SAP30BP: variants seen among roughly 807,000 people sequenced by gnomAD.
SAP30BP encodes the protein SAP30 binding protein.
In SAP30BP, 31 loss-of-function variants were observed where a neutral mutation model predicts 46.3. The observed-to-expected ratio is 0.67, with a 90% CI of 0.50 to 0.90. The LOEUF (loss-of-function observed/expected upper bound fraction) is 0.90. SAP30BP is among the 40% of genes least tolerant of loss of function. The pLI is 0.00. For missense variants in SAP30BP, 312 were observed against 391.0 expected (o/e 0.80, Z 1.70); for synonymous variants, 169 against 144.2 (o/e 1.17, Z -1.23).
In SAP30BP at chr17:75,706,796, C is replaced by T. The variant is rs1478482362; in HGVS notation, c.*275C>T. 7 of 482,572 alleles carry T rather than the reference C, an allele frequency of 1.5e-5. No individual in the cohort carries two copies. The highest frequency in any genetic ancestry group is 3.7e-5 in the Admixed American group (1 of 27,190). The allele number at this position is 482,572 out of a possible 1,614,324, so 29.9% of individuals were successfully genotyped here. On this transcript the variant is annotated 3_prime_UTR_variant, in exon 11 of 11. Transcript: ENST00000584667. The surrounding 1 kb of genome is among the most constrained non-coding windows in gnomAD (Gnocchi z 4.6). ...CAGATGCACTGGCCTCTCCTGCATT[C>T]TGTTTGCAGGCAAATGCTTCAGCTC...
chr17:75,672,153 A>G (rs2059916738), intron 3 of SAP30BP: 1 of 410,970 alleles, frequency 2.4e-6, no homozygotes, highest in African/African-American at 2.0e-5. Flanking sequence ...TGCATCCCAG[A>G]TGGGGCTTTA....
intron 3 of SAP30BP, chr17:75,692,557 A>G: frequency 1.0e-6 from 1 of 971,756 alleles, no homozygotes; most frequent in African/African-American, 1.8e-5. Context: ...CACTTGAGAC[A>G]ATGGAGGCAA....
At chr17:75,687,949 T>A (rs1221869659) in intron 3 of SAP30BP, among the ~76,000 whole-genome samples, 1 of 97,456 alleles carries the variant, frequency 1.0e-5, no homozygotes, top group African/African-American at 3.4e-5. Flanking sequence ...TGTGTGTGTG[T>A]GTGTGTGAGA....
chr17:75,668,647 A>G, intron 2 of SAP30BP, 22 bp downstream of exon 2: 3 of 1,456,314 alleles, frequency 2.1e-6, no homozygotes, highest in Non-Finnish European at 2.9e-6. Flanking sequence ...TCCCAGATCC[A>G]GAGCTACTGA....
intron 3 of SAP30BP, among the ~76,000 whole-genome samples, chr17:75,685,837 T>G (rs999947283): frequency 2.2e-4 from 33 of 152,182 alleles, no homozygotes; most frequent in Admixed American, 2.2e-3. Context: ...ACTCTGGACC[T>G]AGATACACCC....
At chr17:75,668,466 G>T (rs748836453) in intron 1 of SAP30BP, 50 bp from the exon 2 acceptor site, 10 of 1,081,372 alleles carry the variant, frequency 9.2e-6, no homozygotes, top group African/African-American at 3.3e-5. Context: ...TGTAACTCTT[G>T]TTTTTTTTTT....
In SAP30BP at chr17:75,703,326, G is replaced by A; in HGVS notation, c.504G>A (p.Leu168=). 1 of 1,614,128 alleles carries A rather than the reference G, an allele frequency of 6.2e-7. No individual in the cohort carries two copies. The highest frequency in any genetic ancestry group is 8.5e-7 in the Non-Finnish European group (1 of 1,180,024). ...GTTCTTTCAGCATCTACGAGAAGCT[G>A]ATCCAGTTCTGTGCCATTGACGAGC... is the stretch of plus-strand genomic sequence containing the variant. The part of the protein sequence containing the change: ...EFRNPSIYEK[L]IQFCAIDELG... Residue 168 remains leucine (L), a synonymous_variant, in exon 7 of 11, where the codon CTG becomes CTA. Coordinates refer to ENST00000584667, the MANE Select transcript of SAP30BP (RefSeq NM_013260.8).
intron 2 of SAP30BP, among the ~76,000 whole-genome samples, chr17:75,670,167 C>G (rs1468246211): frequency 6.6e-6 from 1 of 151,930 alleles, no homozygotes; most frequent in Non-Finnish European, 1.5e-5. Flanking sequence ...ACTAAAAATA[C>G]AATAATTAGC....
chr17:75,671,891 C>T (rs1179980246), intron 3 of SAP30BP, 28 bp downstream of exon 3: 25 of 1,598,670 alleles, frequency 1.6e-5, no homozygotes, highest in East Asian at 8.9e-5. Context: ...TGGTGGGTGG[C>T]TGGATGCAAA....
At chr17:75,675,042 CAAGTGTGGATCTTTGTTAG>C (rs1184000838) in intron 3 of SAP30BP, among the ~76,000 whole-genome samples, 1 of 152,100 alleles carries the variant, frequency 6.6e-6, no homozygotes, top group Non-Finnish European at 1.5e-5. Context: ...GAATATGTTA[CAAGTGTGGATCTTTGTTAG>C]AAGTGTTGTT....
At chr17:75,678,547 C>T (rs568071090) in intron 3 of SAP30BP, among the ~76,000 whole-genome samples, 1 of 152,214 alleles carries the variant, frequency 6.6e-6, no homozygotes, top group East Asian at 1.9e-4. Flanking sequence ...AGAGGGCCGG[C>T]TGTACTCGAC....
chr17:75,697,630 G>A (rs998552791), intron 4 of SAP30BP, among the ~76,000 whole-genome samples: 4 of 152,174 alleles, frequency 2.6e-5, no homozygotes, highest in African/African-American at 9.7e-5. Flanking sequence ...TTCTTGGGGC[G>A]CTTCCAGTGA....
At chr17:75,697,105 C>T (rs918238352) in intron 4 of SAP30BP, among the ~76,000 whole-genome samples, 3 of 152,134 alleles carry the variant, frequency 2.0e-5, no homozygotes, top group Non-Finnish European at 4.4e-5. Context: ...ACCATGTGAG[C>T]CCCAGAGTGT....
chr17:75,706,304 G>T lies in SAP30BP; in HGVS notation c.746-36G>T. ...GAAGGGAAAGAGGGCACCGCTCATT[G>T]GTGGATCGTGATCCTGATTTCTGCT... On this transcript the variant is annotated intron_variant, in intron 10 of 10. Coordinates refer to ENST00000584667, the MANE Select transcript of SAP30BP (RefSeq NM_013260.8). The surrounding 1 kb of genome is among the most constrained non-coding windows in gnomAD (Gnocchi z 4.6). 1 of 1,599,594 alleles carries T rather than the reference G, an allele frequency of 6.3e-7. No homozygotes were observed. Among genetic ancestry groups the T allele is most frequent in the Non-Finnish European group, 8.5e-7 (1 of 1,172,162 alleles).
chr17:75,704,063 C>T (rs981660237), intron 8 of SAP30BP, among the ~76,000 whole-genome samples: 2 of 152,142 alleles, frequency 1.3e-5, no homozygotes, highest in Admixed American at 1.3e-4. Context: ...TGGAACGTCA[C>T]GCCAGTAACG....
intron 3 of SAP30BP, among the ~76,000 whole-genome samples, chr17:75,689,068 A>C (rs2060204313): frequency 6.6e-6 from 1 of 151,964 alleles, no homozygotes; most frequent in Admixed American, 6.6e-5. Flanking sequence ...GTCCTCCACC[A>C]GCTCAGCGTT....
Position 75,705,707 on chromosome 17 carries a change from G to A in SAP30BP, c.661-301G>A, listed in dbSNP as rs562268219. 23 of 1,175,344 alleles carry A rather than the reference G, an allele frequency of 2.0e-5. No homozygotes were observed. In the Admixed American group the frequency reaches 7.9e-4, roughly 41 times the overall value. 72.8% of individuals were successfully genotyped at this position (1,175,344 alleles called of 1,614,324 possible). On this transcript the variant is annotated intron_variant, in intron 9 of 10. Coordinates refer to ENST00000584667, the MANE Select transcript of SAP30BP (RefSeq NM_013260.8). ...CTCCTCCTGGGTGTGAGGAGGAGGG[G>A]CCTGGCCAAACGGTTCTGGGCATGT...
intron 5 of SAP30BP, among the ~76,000 whole-genome samples, chr17:75,702,111 C>T (rs902509107): frequency 1.3e-5 from 2 of 152,220 alleles, no homozygotes; most frequent in Non-Finnish European, 2.9e-5. Context: ...CAACCTCCAC[C>T]TCCCAGGTTC....
Position 75,703,665 on chromosome 17 carries a change from C to T in SAP30BP, c.550-143C>T, listed in dbSNP as rs144025095. 3.2e-3 allele frequency: 2,454 copies of T among 772,416 alleles called. 61 individuals carry two copies. In the Admixed American group the frequency reaches 0.04, roughly 13 times the overall value. 47.8% of individuals were successfully genotyped at this position (772,416 alleles called of 1,614,324 possible). A position where few individuals can be genotyped will look rare whatever the true frequency, so the allele number is the denominator to read the frequency against. ...CCCATGTTCTTCAGCACTTGCCAGC[C>T]GCCCCTTGGCTAAAGACCAAAGATG... On this transcript the variant is annotated intron_variant, in intron 7 of 10. Transcript: ENST00000584667.
Sources: allele counts gnomAD v4.1 joint callset (sites outside exome capture counted in the v4.1 genomes callset), GRCh38; gene constraint gnomAD v4.1.1; non-coding constraint Gnocchi (gnomAD v3.1); transcripts MANE v1.5; gene names NCBI Gene and HGNC (gene_info 2026-07-23, HGNC 2026-07-21).